The following EYA2 variants were observed in gnomAD, a reference collection of about 807,000 sequenced individuals.
EYA2 encodes the protein EYA transcriptional coactivator and phosphatase 2, also known as protein phosphatase EYA2.
Under a neutral mutation model 69.2 loss-of-function variants are expected in EYA2, and 31 were observed. The ratio of observed to expected loss-of-function variants is 0.45; its 90% CI spans 0.34 to 0.60. The LOEUF is 0.60. Among genes scored for constraint, EYA2 ranks in the 20% least tolerant of loss-of-function variants. EYA2 has a pLI of 0.02. For missense variants in EYA2, 622 were observed against 701.2 expected (o/e 0.89, Z 1.28); for synonymous variants, 257 against 279.4 (o/e 0.92, Z 0.80).
At chr20:47,039,945 G>A (rs6124927) in intron 5 of EYA2, among the ~76,000 whole-genome samples, 20,387 of 146,964 alleles carry the variant, frequency 0.14, 1,857 homozygotes, top group South Asian at 0.33. Flanking sequence ...GGTTCAAGCG[G>A]TTCTCCTGCC....
chr20:47,137,735 A>T (rs911827535), intron 9 of EYA2, among the ~76,000 whole-genome samples: 2 of 151,638 alleles, frequency 1.3e-5, no homozygotes, highest in Non-Finnish European at 2.9e-5. Context: ...TCACCACCAA[A>T]TTTTTTTTTC....
chr20:47,063,373 T>TTG (rs1318266818), intron 5 of EYA2, among the ~76,000 whole-genome samples: 4 of 137,016 alleles, frequency 2.9e-5, no homozygotes, highest in African/African-American at 8.8e-5. Flanking sequence ...TTGGGTTTAT[T>TTG]TGTGTGTGTG....
intron 4 of EYA2, among the ~76,000 whole-genome samples, chr20:47,006,368 C>T (rs996698604): frequency 2.0e-5 from 3 of 152,250 alleles, no homozygotes; most frequent in African/African-American, 4.8e-5. Flanking sequence ...CAGATAGCCA[C>T]TCCACGTGAC....
intron 5 of EYA2, among the ~76,000 whole-genome samples, chr20:47,050,710 G>A (rs776810274): frequency 6.6e-6 from 1 of 152,246 alleles, no homozygotes; most frequent in Non-Finnish European, 1.5e-5. Context: ...TTTGCATAAG[G>A]TATTTCCACA....
chr20:47,185,193 C>T (rs1001780507), intron 15 of EYA2, among the ~76,000 whole-genome samples: 1 of 150,440 alleles, frequency 6.6e-6, no homozygotes, highest in Non-Finnish European at 1.5e-5. Context: ...CACTCTGGAA[C>T]CTTTAAGCCT....
chr20:47,115,794 C>T (rs1209683823), intron 9 of EYA2, among the ~76,000 whole-genome samples: 1 of 152,238 alleles, frequency 6.6e-6, no homozygotes, highest in African/African-American at 2.4e-5. Context: ...CAGTGATGCT[C>T]ACTGCCCTTA....
intron 1 of EYA2, among the ~76,000 whole-genome samples, chr20:46,902,233 G>T (rs1405093057): frequency 6.6e-6 from 1 of 152,066 alleles, no homozygotes; most frequent in Non-Finnish European, 1.5e-5. Context: ...TCATTCCTTT[G>T]TGCTTATTTT....
chr20:46,944,481 G>C (rs915985232), intron 1 of EYA2, among the ~76,000 whole-genome samples: 2 of 152,054 alleles, frequency 1.3e-5, no homozygotes, highest in Non-Finnish European at 2.9e-5. Context: ...TGGGTGCTGG[G>C]CACTACACCA....
At chr20:47,129,056 G>A (rs1476086012) in intron 9 of EYA2, among the ~76,000 whole-genome samples, 2 of 152,092 alleles carry the variant, frequency 1.3e-5, no homozygotes, top group Non-Finnish European at 2.9e-5. Flanking sequence ...CCCAGGAGGC[G>A]GAGGTTGCAG....
At chr20:47,145,146 C>G (rs774667648) in intron 10 of EYA2, among the ~76,000 whole-genome samples, 45 of 151,542 alleles carry the variant, frequency 3.0e-4, no homozygotes, top group Admixed American at 2.6e-4. Context: ...TAAACAAGAC[C>G]ATTTATGATA....
At chr20:47,120,867 T>G (rs1348868891) in intron 9 of EYA2, among the ~76,000 whole-genome samples, 1 of 152,240 alleles carries the variant, frequency 6.6e-6, no homozygotes, top group Non-Finnish European at 1.5e-5. Flanking sequence ...AGTTTGAATT[T>G]TATACTGTCA....
intron 9 of EYA2, among the ~76,000 whole-genome samples, chr20:47,138,074 G>T (rs1027812111): frequency 6.6e-6 from 1 of 151,568 alleles, no homozygotes; most frequent in Non-Finnish European, 1.5e-5. Context: ...CACCAGCATG[G>T]CACATGTATA....
Position 47,188,413 on chromosome 20 carries a change from A to G in EYA2, c.*280A>G. The G allele has an allele frequency of 1.8e-6, 1 of 559,542 alleles. No individual in the cohort carries two copies. Among genetic ancestry groups the G allele is most frequent in the Non-Finnish European group, 3.2e-6 (1 of 314,902 alleles). 34.7% of individuals were successfully genotyped at this position (559,542 alleles called of 1,614,324 possible). A position where few individuals can be genotyped will look rare whatever the true frequency, so the allele number is the denominator to read the frequency against. On this transcript the variant is annotated 3_prime_UTR_variant, in exon 16 of 16. Coordinates refer to ENST00000327619, the MANE Select transcript of EYA2 (RefSeq NM_005244.5). Reference sequence around the variant, plus strand: ...TAAGACTCACAGAACAAAAGCAAGGAATTGCTGATTTGGGGGGTGCCTGGT... The same window carrying G: ...TAAGACTCACAGAACAAAAGCAAGGGATTGCTGATTTGGGGGGTGCCTGGT...
At chr20:47,117,420 C>T in intron 9 of EYA2, 1 of 985,312 alleles carries the variant, frequency 1.0e-6, no homozygotes, top group Non-Finnish European at 1.2e-6. Context: ...GATCCAGAGG[C>T]CAGGTCGAGA....
At chr20:46,978,676 C>T (rs1980615993) in intron 1 of EYA2, 1 of 534,592 alleles carries the variant, frequency 1.9e-6, no homozygotes, top group Non-Finnish European at 3.8e-6. Flanking sequence ...TCATTTGCTG[C>T]ACAGAGAACA....
chr20:47,145,416 G>A (rs2033680204), intron 10 of EYA2, among the ~76,000 whole-genome samples: 1 of 152,206 alleles, frequency 6.6e-6, no homozygotes, highest in African/African-American at 2.4e-5. Context: ...AGGCCGAAGT[G>A]CAGGAGTAAA....
At chr20:47,092,211 G>A (rs1209424278) in intron 8 of EYA2, among the ~76,000 whole-genome samples, 1 of 152,062 alleles carries the variant, frequency 6.6e-6, no homozygotes, top group Non-Finnish European at 1.5e-5. Flanking sequence ...CATCATGCTT[G>A]GTGCCCTACA....
At chr20:47,074,537 C>G (rs1316241507) in intron 7 of EYA2, among the ~76,000 whole-genome samples, 1 of 152,212 alleles carries the variant, frequency 6.6e-6, no homozygotes, top group African/African-American at 2.4e-5. Context: ...AAATCCATCT[C>G]TCAGACATGT....
intron 1 of EYA2, among the ~76,000 whole-genome samples, chr20:46,897,220 G>A (rs746126704): frequency 3.9e-5 from 6 of 152,140 alleles, no homozygotes; most frequent in Non-Finnish European, 7.3e-5. Flanking sequence ...GTTCCAGATG[G>A]ATAAATTGAT....
Sources: gnomAD v4.1 joint callset for allele counts (sites outside exome capture counted in the v4.1 genomes callset) on GRCh38, gnomAD v4.1.1 for gene constraint, MANE v1.5 for transcripts, NCBI Gene and HGNC (gene_info 2026-07-23, HGNC 2026-07-21) for gene names.